BTF3L4: variants seen among roughly 807,000 people sequenced by gnomAD.
The protein encoded by BTF3L4 is transcription factor BTF3 homolog 4.
BTF3L4 carries 6 observed loss-of-function variants against 16.8 expected under a neutral mutation model. The ratio of observed to expected loss-of-function variants is 0.36; its 90% CI spans 0.20 to 0.71. The LOEUF (loss-of-function observed/expected upper bound fraction) is 0.71. Among genes scored for constraint, BTF3L4 ranks in the 30% least tolerant of loss-of-function variants. BTF3L4 has a pLI of 0.58. For missense variants in BTF3L4, 92 were observed against 186.9 expected, an observed-to-expected ratio of 0.49 and a Z score of 2.96; for synonymous variants, 39 against 59.8, an observed-to-expected ratio of 0.65 and a Z score of 1.60.
intron 3 of BTF3L4, among the ~76,000 whole-genome samples, chr1:52,077,691 A>G (rs778817293): frequency 6.6e-6 from 1 of 152,202 alleles, no homozygotes; most frequent in Non-Finnish European, 1.5e-5. Context: ...AGTCAAATAT[A>G]ATTTTGTGAG....
intron 3 of BTF3L4, among the ~76,000 whole-genome samples, chr1:52,073,689 C>A (rs1418797235): frequency 2.5e-3 from 167 of 67,610 alleles, no homozygotes; most frequent in Non-Finnish European, 2.4e-3. Flanking sequence ...GCTGTCTCTA[C>A]AAAAAAAAAA....
chr1:52,066,335 G>A (rs369335628), intron 3 of BTF3L4, among the ~76,000 whole-genome samples: 40 of 151,302 alleles, frequency 2.6e-4, no homozygotes, highest in African/African-American at 8.9e-4. Flanking sequence ...GGGATTACAG[G>A]CGCCCACCAC....
intron 3 of BTF3L4, among the ~76,000 whole-genome samples, chr1:52,066,533 G>GTAAA (rs1558005699): frequency 6.7e-6 from 1 of 149,066 alleles, no homozygotes; most frequent in East Asian, 2.1e-4. Flanking sequence ...CAAAGTTTAC[G>GTAAA]CTTTTACTGC....
At chr1:52,071,684 C>T (rs1190463883) in intron 3 of BTF3L4, among the ~76,000 whole-genome samples, 1 of 152,162 alleles carries the variant, frequency 6.6e-6, no homozygotes, top group East Asian at 1.9e-4. Context: ...TTACTTTTTA[C>T]ATTTTCCTCT....
At chr1:52,060,721 C>A in intron 2 of BTF3L4, 1 of 693,636 alleles carries the variant, frequency 1.4e-6, no homozygotes, top group Non-Finnish European at 1.8e-6. Flanking sequence ...ATGATAACCA[C>A]AGTTCCTGGG....
rs1643992523 is a variant in BTF3L4, at chr1:52,088,590, GGC to G, written c.*1833_*1834del. 4 of 152,534 alleles carry G rather than the reference GGC, an allele frequency of 2.6e-5. No individual in the cohort carries two copies. Among genetic ancestry groups the G allele is most frequent in the Non-Finnish European group, 5.9e-5 (4 of 68,078 alleles). The allele number at this position is 152,534 out of a possible 1,614,324, so 9.4% of individuals were successfully genotyped here. On this transcript the variant is annotated 3_prime_UTR_variant, in exon 6 of 6. Transcript: ENST00000313334. ...TTGTCCCAAAGGGGGACATTGTGGA[GGC>G]AGAGTTAGGGGGAACCACTTCAAGT... is the stretch of plus-strand genomic sequence containing the variant.
At position 52,087,273 on chromosome 1, in the gene BTF3L4, C is replaced by G. The variant is rs3015302; in HGVS notation, c.*515C>G. Reference sequence around the variant, plus strand: ...GTTTGATTTTAATTTGCTTGGTTAACTATCATATTTTTCATACACTTCTCT... The same window carrying G: ...GTTTGATTTTAATTTGCTTGGTTAAGTATCATATTTTTCATACACTTCTCT... On this transcript the variant is annotated 3_prime_UTR_variant, in exon 6 of 6. Transcript: ENST00000313334. 11,923 of 152,610 alleles carry G rather than the reference C, an allele frequency of 0.078. 1,337 individuals are homozygous for G. The highest frequency in any genetic ancestry group is 0.24 in the African/African-American group (9,938 of 41,494). The allele number at this position is 152,610 out of a possible 1,614,324, so 9.5% of individuals were successfully genotyped here. A position where few individuals can be genotyped will look rare whatever the true frequency, so the allele number is the denominator to read the frequency against.
intron 3 of BTF3L4, among the ~76,000 whole-genome samples, chr1:52,080,518 GGTTTT>G (rs1643907721): frequency 1.0e-5 from 1 of 99,252 alleles, no homozygotes; most frequent in South Asian, 3.4e-4. Flanking sequence ...TGGTTTTTTG[GGTTTT>G]TTTTTTTTTT....
In BTF3L4 at chr1:52,090,528, C is replaced by T. The variant is rs1298064218; in HGVS notation, c.*3770C>T. On this transcript the variant is annotated 3_prime_UTR_variant, in exon 6 of 6. Transcript: ENST00000313334. ...CAGCCCATTACACAGGAGCCAGCTA[C>T]CTAAATTTCCTATCTGAGCATGTCC... The T allele has an allele frequency of 6.6e-6, 1 of 152,154 alleles. No homozygotes were observed. The highest frequency in any genetic ancestry group is 1.9e-4 in the East Asian group (1 of 5,204). The allele number at this position is 152,154 out of a possible 1,614,324, so 9.4% of individuals were successfully genotyped here.
At chr1:52,064,284 C>T (rs1431848851) in intron 2 of BTF3L4, among the ~76,000 whole-genome samples, 5 of 152,176 alleles carry the variant, frequency 3.3e-5, no homozygotes, top group Non-Finnish European at 7.3e-5. Flanking sequence ...CTTAGTCATT[C>T]TTGCTGTGCT....
Position 52,087,273 on chromosome 1 carries a change from C to T in BTF3L4, c.*515C>T. On this transcript the variant is annotated 3_prime_UTR_variant, in exon 6 of 6. Transcript: ENST00000313334. Reference sequence around the variant, plus strand: ...GTTTGATTTTAATTTGCTTGGTTAACTATCATATTTTTCATACACTTCTCT... The same window carrying T: ...GTTTGATTTTAATTTGCTTGGTTAATTATCATATTTTTCATACACTTCTCT... 5 of 152,628 alleles carry T rather than the reference C, an allele frequency of 3.3e-5. 1 individual carries two copies. In the South Asian group the frequency reaches 1.0e-3, roughly 32 times the overall value. 9.5% of individuals were successfully genotyped at this position (152,628 alleles called of 1,614,324 possible). A position where few individuals can be genotyped will look rare whatever the true frequency, so the allele number is the denominator to read the frequency against.
intron 4 of BTF3L4, 124 bp from the exon 5 acceptor site, chr1:52,085,988 T>G (rs1276357428): frequency 2.0e-6 from 1 of 510,960 alleles, no homozygotes; most frequent in Non-Finnish European, 3.3e-6. Flanking sequence ...CATTTTAGAT[T>G]GACAATATTT....
At chr1:52,059,495 C>T (rs962403436) in intron 1 of BTF3L4, among the ~76,000 whole-genome samples, 27 of 152,180 alleles carry the variant, frequency 1.8e-4, no homozygotes, top group Non-Finnish European at 3.4e-4. Flanking sequence ...AAAAAACTGG[C>T]TTGCCTACAG....
At chr1:52,080,633 A>C (rs1643910387) in intron 3 of BTF3L4, among the ~76,000 whole-genome samples, 1 of 145,956 alleles carries the variant, frequency 6.9e-6, no homozygotes, top group Admixed American at 7.1e-5. Flanking sequence ...TCCCAGGTTC[A>C]AGCAATTCTC....
intron 4 of BTF3L4, among the ~76,000 whole-genome samples, chr1:52,085,108 C>T (rs1643959790): frequency 6.7e-6 from 1 of 149,676 alleles, no homozygotes; most frequent in Non-Finnish European, 1.5e-5. Context: ...GCAACCTCCA[C>T]CTGCCGGGTA....
At chr1:52,083,250 A>G (rs1268301925) in intron 3 of BTF3L4, 90 bp from the exon 4 acceptor site, 1 of 1,080,842 alleles carries the variant, frequency 9.3e-7, no homozygotes, top group Non-Finnish European at 1.4e-6. Flanking sequence ...TACCAAGTAA[A>G]GAACCATAAT....
chr1:52,086,171 G>C lies in BTF3L4; in HGVS notation c.430G>C (p.Asp144His). 1 of 1,609,414 alleles carries C rather than the reference G, an allele frequency of 6.2e-7. No individual in the cohort carries two copies. Reference sequence around the variant, plus strand: ...TGATGAGGAAGATGATGATGTTCCAGGTAAGTGACATTTCCTTAGACTTAA... The same window carrying C: ...TGATGAGGAAGATGATGATGTTCCACGTAAGTGACATTTCCTTAGACTTAA... Reference protein sequence around the residue: ...DIDEEDDDVPDLVENFDEASK... With the variant: ...DIDEEDDDVPHLVENFDEASK... The change falls in exon 5 of 6, where the codon GAT becomes CAT. Residue 144 changes from aspartate (D) to histidine (H), a missense_variant and splice_region_variant. Asp to His is a moderately conservative substitution (Grantham distance 81, BLOSUM62 -1). Transcript: ENST00000313334.
At chr1:52,082,816 A>G (rs1643936712) in intron 3 of BTF3L4, among the ~76,000 whole-genome samples, 1 of 152,028 alleles carries the variant, frequency 6.6e-6, no homozygotes, top group Non-Finnish European at 1.5e-5. Context: ...TGAAATTTTT[A>G]TAAATGTACT....
At position 52,056,587 on chromosome 1, in the gene BTF3L4, C is replaced by T. The variant is rs576125316; in HGVS notation, c.-14+208C>T. 2.4e-4 allele frequency among the ~76,000 whole-genome samples: 37 copies of T among 152,356 alleles called. 1 individual carries two copies. The South Asian group carries it at 7.7e-3, about 32-fold the overall frequency. ...CCTGTGGGAAGGTCCCCAGCACCAC[C>T]GCCCCCTGTGGGAGCGAGCGGGCCC... On this transcript the variant is annotated intron_variant, in intron 1 of 5. Coordinates refer to ENST00000313334, the MANE Select transcript of BTF3L4 (RefSeq NM_152265.5).
Sources: gnomAD v4.1 joint callset for allele counts (sites outside exome capture counted in the v4.1 genomes callset) on GRCh38, gnomAD v4.1.1 for gene constraint, MANE v1.5 for transcripts, NCBI Gene and HGNC (gene_info 2026-07-23, HGNC 2026-07-21) for gene names.